The following YTHDC2 variants were observed in gnomAD, a reference collection of about 807,000 sequenced individuals.
YTHDC2 encodes YTH N6-methyladenosine RNA binding protein C2.
A neutral mutation model predicts 174.9 loss-of-function variants in YTHDC2; 45 were observed. That is an observed-to-expected ratio of 0.26 (90% confidence interval 0.20 to 0.33). The LOEUF is 0.33. Among genes scored for constraint, YTHDC2 ranks in the 10% least tolerant of loss-of-function variants. The pLI is 1.00. For synonymous variants in YTHDC2, 657 were observed against 574.5 expected, an observed-to-expected ratio of 1.14 and a Z score of -2.05; for missense variants, 1,650 against 1,723.7, an observed-to-expected ratio of 0.96 and a Z score of 0.76.
intron 23 of YTHDC2, among the ~76,000 whole-genome samples, chr5:113,576,007 T>C (rs1242051036): frequency 2.0e-5 from 3 of 152,318 alleles, no homozygotes; most frequent in Middle Eastern, 6.8e-3. Flanking sequence ...GTCACTCATT[T>C]GAGATTCAGA....
intron 26 of YTHDC2, among the ~76,000 whole-genome samples, chr5:113,588,567 T>G (rs1051347206): frequency 2.6e-5 from 4 of 151,896 alleles, no homozygotes; most frequent in African/African-American, 7.2e-5. Flanking sequence ...ATTTCTTCCT[T>G]GAATATTTGA....
intron 10 of YTHDC2, among the ~76,000 whole-genome samples, chr5:113,547,487 A>G (rs961128598): frequency 6.6e-6 from 1 of 152,206 alleles, no homozygotes; most frequent in African/African-American, 2.4e-5. Context: ...TCCTAATGTA[A>G]ACTATGGACT....
intron 5 of YTHDC2, 72 bp from the exon 6 acceptor site, chr5:113,534,233 T>G (rs1163427650): frequency 5.3e-6 from 6 of 1,133,654 alleles, no homozygotes; most frequent in Non-Finnish European, 6.7e-6. Context: ...GAGGCCAGCA[T>G]TTAATGTGAT....
chr5:113,559,700 A>G (rs1776834344), intron 17 of YTHDC2, among the ~76,000 whole-genome samples: 1 of 152,210 alleles, frequency 6.6e-6, no homozygotes, highest in Non-Finnish European at 1.5e-5. Context: ...TGCCAAAACC[A>G]TTGCTTCTAG....
chr5:113,561,541 T>C (rs992197640), intron 18 of YTHDC2, among the ~76,000 whole-genome samples: 7 of 151,416 alleles, frequency 4.6e-5, no homozygotes, highest in African/African-American at 1.5e-4. Context: ...CGATCTCGGC[T>C]CACTGCAACC....
chr5:113,568,674 T>G (rs1231470047), intron 23 of YTHDC2, among the ~76,000 whole-genome samples: 1 of 152,210 alleles, frequency 6.6e-6, no homozygotes, highest in African/African-American at 2.4e-5. Flanking sequence ...GGCTTCCAAC[T>G]TCAGCCATGT....
intron 4 of YTHDC2, among the ~76,000 whole-genome samples, chr5:113,530,380 C>G (rs1208993600): frequency 6.6e-6 from 1 of 152,100 alleles, no homozygotes; most frequent in Non-Finnish European, 1.5e-5. Flanking sequence ...TAGGATTCTG[C>G]TTTTTGTTGT....
At chr5:113,524,593 A>G (rs1243876355) in intron 2 of YTHDC2, among the ~76,000 whole-genome samples, 1 of 152,128 alleles carries the variant, frequency 6.6e-6, no homozygotes, top group Non-Finnish European at 1.5e-5. Context: ...ACTATAGACC[A>G]TAACTTTTTC....
At position 113,564,146 on chromosome 5, in the gene YTHDC2, A is replaced by G. The variant is rs1378167486; in HGVS notation, c.2715+15A>G. ...GAGCATTCCAGGTACTATTACTGTC[A>G]TTTTATTTCTGAAGACGTTGCTGGG... On this transcript the variant is annotated intron_variant, in intron 20 of 29. Coordinates refer to ENST00000161863, the MANE Select transcript of YTHDC2 (RefSeq NM_022828.5). 1 of 1,579,868 alleles carries G rather than the reference A, an allele frequency of 6.3e-7. No individual in the cohort carries two copies. The highest frequency in any genetic ancestry group is 8.6e-7 in the Non-Finnish European group (1 of 1,159,138).
intron 26 of YTHDC2, among the ~76,000 whole-genome samples, chr5:113,585,794 A>G (rs1488034970): frequency 6.6e-6 from 1 of 151,814 alleles, no homozygotes; most frequent in African/African-American, 2.4e-5. Flanking sequence ...CAGTGTATCA[A>G]CAATCTATCC....
chr5:113,573,823 C>T (rs986361673), intron 23 of YTHDC2, among the ~76,000 whole-genome samples: 3 of 152,116 alleles, frequency 2.0e-5, no homozygotes, highest in East Asian at 1.9e-4. Context: ...TCCGTTAGGT[C>T]GGTTATGTTC....
chr5:113,548,571 C>T lies in YTHDC2; in HGVS notation c.1526C>T (p.Thr509Ile), dbSNP rs1342900000. The T allele has an allele frequency of 6.2e-7, 1 of 1,612,140 alleles. No individual in the cohort carries two copies. The highest frequency in any genetic ancestry group is 8.5e-7 in the Non-Finnish European group (1 of 1,179,268). Residue 509 changes from threonine (T) to isoleucine (I), a missense_variant, in exon 11 of 30, where the codon ACA (threonine) becomes ATA (isoleucine). By Grantham distance (89) the Thr-to-Ile change is moderately conservative (BLOSUM62 -1). This residue lies in a region of YTHDC2 where 411 missense variants were observed against 380.6 expected (regional missense o/e 1.08). Coordinates refer to ENST00000161863, the MANE Select transcript of YTHDC2 (RefSeq NM_022828.5). Reference sequence around the variant, plus strand: ...TACAGACATAGTGAAACCAGTGCAACAGCTCTGATGGTTGCTGCAGGACGT... The same window carrying T: ...TACAGACATAGTGAAACCAGTGCAATAGCTCTGATGGTTGCTGCAGGACGT... ...VDYRHSETSA[T>I]ALMVAAGRGF...
intron 8 of YTHDC2, among the ~76,000 whole-genome samples, chr5:113,539,412 G>A (rs1356421050): frequency 1.3e-5 from 2 of 152,106 alleles, no homozygotes; most frequent in Non-Finnish European, 2.9e-5. Flanking sequence ...GAGTTGAGGA[G>A]GTGTCTATAT....
intron 25 of YTHDC2, chr5:113,583,158 A>T (rs192947950): frequency 3.1e-4 from 47 of 152,204 alleles, no homozygotes; most frequent in South Asian, 4.1e-4. Context: ...AGGAATCAAT[A>T]ATTTGAGACA....
At chr5:113,556,381 C>A (rs913476374) in intron 17 of YTHDC2, 1 of 278,878 alleles carries the variant, frequency 3.6e-6, no homozygotes, top group African/African-American at 2.2e-5. Context: ...AAAAACAAAA[C>A]CAAAAATTCT....
At chr5:113,536,263 C>T (rs1414394126) in intron 7 of YTHDC2, among the ~76,000 whole-genome samples, 9 of 152,184 alleles carry the variant, frequency 5.9e-5, no homozygotes, top group Non-Finnish European at 1.0e-4. Context: ...TGGGGGCTCA[C>T]GCCTGTAATC....
chr5:113,571,566 A>G (rs757818929), intron 23 of YTHDC2, among the ~76,000 whole-genome samples: 1 of 152,134 alleles, frequency 6.6e-6, no homozygotes, highest in African/African-American at 2.4e-5. Flanking sequence ...CAGCTCTTCT[A>G]TGTACTTCTG....
chr5:113,526,665 A>G lies in YTHDC2; in HGVS notation c.555A>G (p.Glu185=), dbSNP rs776276362. The change falls in exon 4 of 30, where the codon GAA becomes GAG. Residue 185 remains glutamate (E), a synonymous_variant. Transcript: ENST00000161863. ...TTCCAGTGAAAAGAGGAGAATCCGA[A>G]TTTGATTCTTTTAGGCAGTCTTTAC... ...PQIPVKRGES[E]FDSFRQSLPV... is the part of the protein sequence containing the mutation. 4 of 1,607,476 alleles carry G rather than the reference A, an allele frequency of 2.5e-6. No individual in the cohort carries two copies. The highest frequency in any genetic ancestry group is 3.4e-6 in the Non-Finnish European group (4 of 1,176,402).
chr5:113,544,756 C>G (rs936143886), intron 10 of YTHDC2, among the ~76,000 whole-genome samples: 9 of 151,112 alleles, frequency 6.0e-5, no homozygotes, highest in African/African-American at 2.2e-4. Flanking sequence ...AACATGATAT[C>G]TGGTCCCCTC....
Sources: allele counts gnomAD v4.1 joint callset (sites outside exome capture counted in the v4.1 genomes callset), GRCh38; gene constraint gnomAD v4.1.1; regional missense constraint gnomAD v4.1.1; transcripts MANE v1.5; gene names NCBI Gene and HGNC (gene_info 2026-07-23, HGNC 2026-07-21).